The following BHMT variants were observed in gnomAD, a reference collection of about 807,000 sequenced individuals.
The protein encoded by BHMT is betaine--homocysteine S-methyltransferase.
Under a neutral mutation model 49.5 loss-of-function variants are expected in BHMT, and 38 were observed. That is an observed-to-expected ratio of 0.77 (90% CI 0.59 to 1.01). The LOEUF (loss-of-function observed/expected upper bound fraction) is 1.01, where lower values mean the gene tolerates loss of function less well. BHMT is among the 50% of genes least tolerant of loss of function. The pLI is 0.00. For synonymous variants in BHMT, 166 were observed against 176.3 expected (o/e 0.94, Z 0.46); for missense variants, 426 against 495.7 (o/e 0.86, Z 1.34).
At chr5:79,114,605 G>T (rs1179312175) in intron 1 of BHMT, among the ~76,000 whole-genome samples, 1 of 152,100 alleles carries the variant, frequency 6.6e-6, no homozygotes, top group Non-Finnish European at 1.5e-5. Flanking sequence ...GGGTAAATAC[G>T]TCCCAAGTTA....
rs774227418 is a variant in BHMT at position 79,120,332 on chromosome 5, T to C, written c.286-18T>C. The C allele has an allele frequency of 1.0e-5, 16 of 1,594,306 alleles. No individual in the cohort carries two copies. The South Asian group carries it at 1.7e-4, about 17-fold the overall frequency. ...TTCACATGAAAATTTAGATGTCTCA[T>C]ATACTCACCCATTTTAGGGGCAGGA... On this transcript the variant is annotated intron_variant, in intron 3 of 7. Coordinates refer to ENST00000274353, the MANE Select transcript of BHMT (RefSeq NM_001713.3).
In BHMT at chr5:79,120,622, G is replaced by C; in HGVS notation, c.477+81G>C. The C allele has an allele frequency of 3.8e-6, 5 of 1,314,346 alleles. No homozygotes were observed. The South Asian group carries it at 7.3e-5, about 19-fold the overall frequency. The allele number at this position is 1,314,346 out of a possible 1,614,324, so 81.4% of individuals were successfully genotyped here. A position where few individuals can be genotyped will look rare whatever the true frequency, so the allele number is the denominator to read the frequency against. On this transcript the variant is annotated intron_variant, in intron 4 of 7. Coordinates refer to ENST00000274353, the MANE Select transcript of BHMT (RefSeq NM_001713.3). ...CTTTTGCTTTCAAGAGTACTGTGTG[G>C]GGTTAGGTGACAATCATAACTAGCA...
chr5:79,117,077 T>C (rs1435862330), intron 2 of BHMT, among the ~76,000 whole-genome samples: 1 of 152,186 alleles, frequency 6.6e-6, no homozygotes, highest in Admixed American at 6.5e-5. Flanking sequence ...AGATGGATCA[T>C]ACTTAGAGAA....
intron 3 of BHMT, chr5:79,119,734 G>A (rs1204616559): frequency 5.3e-6 from 1 of 189,774 alleles, no homozygotes; most frequent in Non-Finnish European, 1.1e-5. Flanking sequence ...AGTAAACCTG[G>A]AATAGTGCCT....
In BHMT at chr5:79,115,908, A is replaced by C. The variant is rs770132110; in HGVS notation, c.166+9A>C. The stretch of plus-strand genomic sequence containing the variant: ...GGAGCACCCAGAAGCAGGTTGGTGC[A>C]GAGCTCTATTGTAAGTTCTCATAAA... On this transcript the variant is annotated intron_variant, in intron 2 of 7. Transcript: ENST00000274353. The C allele has an allele frequency of 6.2e-7, 1 of 1,609,892 alleles. No individual in the cohort carries two copies. The highest frequency in any genetic ancestry group is 1.3e-5 in the African/African-American group (1 of 74,790).
chr5:79,130,933 G>A lies in BHMT; in HGVS notation c.1038G>A (p.Arg346=). ...GGTGTCATGTGTTTTGTTCACACAG[G>A]GCCAGGAAGGAATACTGGGAGAATC... ...DMHTKPWVRA[R]ARKEYWENLR... is the part of the protein sequence containing the mutation. Residue 346 remains arginine (R), a splice_region_variant and synonymous_variant, in exon 8 of 8, where the codon AGG becomes AGA. Transcript: ENST00000274353. The A allele has an allele frequency of 6.2e-7, 1 of 1,610,896 alleles. No homozygotes were observed. Among genetic ancestry groups the A allele is most frequent in the Non-Finnish European group, 8.5e-7 (1 of 1,178,526 alleles).
Position 79,126,059 on chromosome 5 carries a change from TG to T in BHMT, c.641del (p.Gly214ValfsTer2). 1 of 1,601,794 alleles carries T rather than the reference TG, an allele frequency of 6.2e-7. No individual in the cohort carries two copies. The highest frequency in any genetic ancestry group is 1.3e-5 in the African/African-American group (1 of 74,846). The part of the protein sequence containing the change: ...RLVKAGASII[G>X]VNCHFDPTIS... The stretch of plus-strand genomic sequence containing the variant: ...TCCCACTCACAGGAGCATCCATCAT[TG>T]GTGTGAACTGCCACTTTGACCCCAC... On this transcript the variant is annotated frameshift_variant, in exon 6 of 8. Transcript: ENST00000274353. LOFTEE classifies it high-confidence loss of function.
At chr5:79,113,087 C>G (rs1756332442) in intron 1 of BHMT, among the ~76,000 whole-genome samples, 1 of 151,978 alleles carries the variant, frequency 6.6e-6, no homozygotes, top group Admixed American at 6.6e-5. Flanking sequence ...GGGATGGCCT[C>G]CCAAATCAAA....
Position 79,119,239 on chromosome 5 carries a change from T to C in BHMT, c.167-20T>C, listed in dbSNP as rs368457430. On this transcript the variant is annotated intron_variant, in intron 2 of 7. Transcript: ENST00000274353. Reference sequence around the variant, plus strand: ...GTGTTAATAAACAGAAATTATACCTTTCCTCATTCACTCTCCCAGTTCGCC... The same window carrying C: ...GTGTTAATAAACAGAAATTATACCTCTCCTCATTCACTCTCCCAGTTCGCC... 6.4e-7 allele frequency: 1 copy of C among 1,556,704 alleles called. No homozygotes were observed. Among genetic ancestry groups the C allele is most frequent in the African/African-American group, 1.4e-5 (1 of 72,650 alleles).
intron 6 of BHMT, among the ~76,000 whole-genome samples, chr5:79,127,096 C>G (rs558519324): frequency 6.6e-6 from 1 of 152,272 alleles, no homozygotes; most frequent in East Asian, 1.9e-4. Flanking sequence ...TCTTATCTCA[C>G]AGTTTCTCCA....
Position 79,117,934 on chromosome 5 carries a change from T to C in BHMT, c.167-1325T>C, listed in dbSNP as rs531705027. 1.5e-3 allele frequency among the ~76,000 whole-genome samples: 227 copies of C among 152,278 alleles called. 1 individual carries two copies. Among genetic ancestry groups the C allele is most frequent in the Non-Finnish European group, 2.5e-3 (171 of 68,014 alleles). On this transcript the variant is annotated intron_variant, in intron 2 of 7. Coordinates refer to ENST00000274353, the MANE Select transcript of BHMT (RefSeq NM_001713.3). ...TTCCACTATCTTACAATGGCAGTTT[T>C]TGACAAGGCTGAAAACAAAGATGGG... is the stretch of plus-strand genomic sequence containing the variant.
At chr5:79,130,848 T>C in intron 7 of BHMT, 85 bp from the exon 8 acceptor site, 3 of 1,202,494 alleles carry the variant, frequency 2.5e-6, no homozygotes. Flanking sequence ...TAAAATATTA[T>C]ATAATTTTTA....
chr5:79,126,312 T>C (rs1756551904), intron 6 of BHMT, 84 bp downstream of exon 6: 1 of 1,484,272 alleles, frequency 6.7e-7, no homozygotes, highest in Admixed American at 2.0e-5. Context: ...CAGAGATCTT[T>C]TGTCATAGTG....
chr5:79,125,250 G>A (rs1756532897), intron 5 of BHMT, among the ~76,000 whole-genome samples: 1 of 152,022 alleles, frequency 6.6e-6, no homozygotes, highest in Admixed American at 6.6e-5. Context: ...AAGGTCAGGA[G>A]ATGGAGACCA....
chr5:79,125,341 A>C (rs968084007), intron 5 of BHMT, among the ~76,000 whole-genome samples: 1 of 151,698 alleles, frequency 6.6e-6, no homozygotes, highest in Non-Finnish European at 1.5e-5. Flanking sequence ...CTATAGTCCC[A>C]GCTACTCAGG....
Position 79,126,069 on chromosome 5 carries a change from T to G in BHMT, c.649T>G (p.Cys217Gly). ...AGGAGCATCCATCATTGGTGTGAAC[T>G]GCCACTTTGACCCCACCATTAGTTT... ...KAGASIIGVN[C>G]HFDPTISLKT... Residue 217 changes from cysteine (C) to glycine (G), a missense_variant, in exon 6 of 8, where the codon TGC becomes GGC. Physicochemically the swap from Cys to Gly is radical, Grantham distance 159. This residue lies in a region of BHMT where 321 missense variants were observed against 355.9 expected (regional missense o/e 0.90). Transcript: ENST00000274353. 1 of 1,607,284 alleles carries G rather than the reference T, an allele frequency of 6.2e-7. No individual in the cohort carries two copies. The highest frequency in any genetic ancestry group is 1.3e-5 in the African/African-American group (1 of 74,948).
chr5:79,114,921 A>G (rs1580267899), intron 1 of BHMT, among the ~76,000 whole-genome samples: 1 of 152,360 alleles, frequency 6.6e-6, no homozygotes, highest in East Asian at 1.9e-4. Flanking sequence ...ACTTAATTCC[A>G]AAGTTATCCA....
intron 2 of BHMT, among the ~76,000 whole-genome samples, chr5:79,118,886 T>C (rs867306922): frequency 1.3e-5 from 2 of 152,232 alleles, no homozygotes; most frequent in South Asian, 2.1e-4. Flanking sequence ...AGCCCAACCA[T>C]GCAGTGCTGT....
rs752243322 is a variant in BHMT, at chr5:79,126,120, G to A, written c.700G>A (p.Gly234Ser). The A allele has an allele frequency of 6.2e-7, 1 of 1,613,312 alleles. No homozygotes were observed. Among genetic ancestry groups the A allele is most frequent in the Admixed American group, 1.7e-5 (1 of 59,984 alleles). The change falls in exon 6 of 8, where the codon GGC becomes AGC. Residue 234 changes from glycine (G) to serine (S), a missense_variant. Physicochemically the swap from Gly to Ser is moderately conservative, Grantham distance 56 (BLOSUM62 0). This residue lies in a region of BHMT where 321 missense variants were observed against 355.9 expected (regional missense o/e 0.90). Transcript: ENST00000274353. The part of the protein sequence containing the change: ...SLKTVKLMKE[G>S]LEAARLKAHL... ...AAAAACAGTGAAGCTCATGAAGGAGGGCTTGGAGGCTGCCCGACTGAAAGC... is the reference window on the plus strand; with the variant it reads ...AAAAACAGTGAAGCTCATGAAGGAGAGCTTGGAGGCTGCCCGACTGAAAGC...
Sources: gnomAD v4.1 joint callset for allele counts (sites outside exome capture counted in the v4.1 genomes callset) on GRCh38, gnomAD v4.1.1 for gene constraint, gnomAD v4.1.1 regional missense constraint, MANE v1.5 for transcripts, NCBI Gene and HGNC (gene_info 2026-07-23, HGNC 2026-07-21) for gene names.